The following FRMD3 variants were observed in gnomAD, a reference collection of about 807,000 sequenced individuals.
FRMD3 encodes the protein FERM domain-containing protein 3.
FRMD3 carries 33 observed loss-of-function variants against 70.2 expected under a neutral mutation model. The ratio of observed to expected loss-of-function variants is 0.47; its 90% CI spans 0.36 to 0.63. The LOEUF is 0.63. FRMD3 is among the 20% of genes least tolerant of loss of function. FRMD3 has a pLI of 0.00. For synonymous variants in FRMD3, 279 were observed against 255.9 expected (o/e 1.09, Z -0.86); for missense variants, 632 against 711.4 (o/e 0.89, Z 1.27).
the FRMD3 span, among the ~76,000 whole-genome samples, chr9:83,552,057 G>C: frequency 6.6e-6 from 1 of 152,056 alleles, no homozygotes; most frequent in African/African-American, 2.4e-5. Context: ...TTTCAGTTGT[G>C]AGGTTAGGTT....
intron 13 of FRMD3, among the ~76,000 whole-genome samples, chr9:83,251,304 C>G (rs145129656): frequency 3.3e-5 from 5 of 152,258 alleles, no homozygotes; most frequent in African/African-American, 1.2e-4. Flanking sequence ...AAAAGAAAAA[C>G]AAACAAACAG....
chr9:83,353,812 C>T (rs1262129083), intron 3 of FRMD3, among the ~76,000 whole-genome samples: 2 of 152,166 alleles, frequency 1.3e-5, no homozygotes, highest in African/African-American at 4.8e-5. Flanking sequence ...CTTCTAGAGG[C>T]AGGATTGATT....
intron 5 of FRMD3, among the ~76,000 whole-genome samples, chr9:83,337,466 G>A (rs1233014439): frequency 6.6e-6 from 1 of 152,176 alleles, no homozygotes; most frequent in East Asian, 1.9e-4. Context: ...CCACAGCATG[G>A]AGGGGCAAAG....
At chr9:83,343,121 A>G in intron 5 of FRMD3, 69 bp downstream of exon 5, 1 of 1,121,854 alleles carries the variant, frequency 8.9e-7, no homozygotes, top group South Asian at 1.2e-5. Context: ...GGTGGGAGAG[A>G]AGGGAGGCTT....
chr9:83,511,945 G>T (rs7043391), intron 1 of FRMD3, among the ~76,000 whole-genome samples: 1 of 151,884 alleles, frequency 6.6e-6, no homozygotes, highest in Non-Finnish European at 1.5e-5. Context: ...TGACGGCTTA[G>T]ATTGACATCT....
At chr9:83,405,607 CA>C (rs34523655) in intron 1 of FRMD3, among the ~76,000 whole-genome samples, 142 of 141,482 alleles carry the variant, frequency 1.0e-3, no homozygotes, top group South Asian at 2.3e-3. Context: ...ACTAAAAATG[CA>C]AAAAAAAAAA....
rs1031700422 is a variant in FRMD3 at position 83,247,220 on chromosome 9, T to A, written c.*698A>T. 4 of 985,302 alleles carry A rather than the reference T, an allele frequency of 4.1e-6. No homozygotes were observed. Among genetic ancestry groups the A allele is most frequent in the Non-Finnish European group, 4.8e-6 (4 of 829,932 alleles). The allele number at this position is 985,302 out of a possible 1,614,324, so 61.0% of individuals were successfully genotyped here. A position where few individuals can be genotyped will look rare whatever the true frequency, so the allele number is the denominator to read the frequency against. The stretch of plus-strand genomic sequence containing the variant: ...TAGCAGCTTACTTACTATAGTGTCT[T>A]TCTACCCATTTTCTATCTCCTATGC... On this transcript the variant is annotated 3_prime_UTR_variant, in exon 14 of 14. Transcript: ENST00000304195.
chr9:83,479,430 AAGAAGGAAGGAAG>A (rs1828480741), intron 1 of FRMD3, among the ~76,000 whole-genome samples: 1 of 124,110 alleles, frequency 8.1e-6, no homozygotes, highest in Non-Finnish European at 1.7e-5. Context: ...AAAGGAGGGA[AAGAAGGAAGGAAG>A]GGAGGGAGGG....
chr9:83,494,936 T>C (rs1452288929), intron 1 of FRMD3, among the ~76,000 whole-genome samples: 3 of 152,158 alleles, frequency 2.0e-5, no homozygotes, highest in Non-Finnish European at 4.4e-5. Context: ...TATACCCTAC[T>C]TTAATAAAAC....
intron 13 of FRMD3, among the ~76,000 whole-genome samples, chr9:83,280,474 CA>C (rs1024677118): frequency 6.6e-6 from 1 of 152,150 alleles, no homozygotes; most frequent in Non-Finnish European, 1.5e-5. Flanking sequence ...AGTGATAGAC[CA>C]AAAGCATGTA....
chr9:83,391,608 C>T (rs944390587), intron 1 of FRMD3, among the ~76,000 whole-genome samples: 1 of 152,168 alleles, frequency 6.6e-6, no homozygotes, highest in African/African-American at 2.4e-5. Context: ...ATGTACTCAA[C>T]AGCACAACAA....
At chr9:83,432,671 G>A (rs1350530885) in intron 1 of FRMD3, among the ~76,000 whole-genome samples, 1 of 152,142 alleles carries the variant, frequency 6.6e-6, no homozygotes, top group Non-Finnish European at 1.5e-5. Context: ...CTGTTTGTAA[G>A]TTCAATATAA....
chr9:83,360,719 C>T (rs1193017381), intron 3 of FRMD3, among the ~76,000 whole-genome samples: 4 of 152,106 alleles, frequency 2.6e-5, no homozygotes, highest in Non-Finnish European at 5.9e-5. Context: ...ACTACTGCAC[C>T]CAATCAAAAT....
intron 1 of FRMD3, among the ~76,000 whole-genome samples, chr9:83,462,518 G>A (rs1828004505): frequency 6.6e-6 from 1 of 152,106 alleles, no homozygotes; most frequent in South Asian, 2.1e-4. Flanking sequence ...ATCCTCAGTG[G>A]AATTACTATG....
chr9:83,540,552 C>A (rs1368692393), upstream of FRMD3, among the ~76,000 whole-genome samples: 3 of 152,138 alleles, frequency 2.0e-5, no homozygotes, highest in East Asian at 1.9e-4. Context: ...GCTCTGGAAG[C>A]ACTTGGCATG....
At chr9:83,479,773 GGGAGGGAGGGAGGGAAGGAAGGAAGGAA>G (rs1564097144) in intron 1 of FRMD3, among the ~76,000 whole-genome samples, 5 of 71,220 alleles carry the variant, frequency 7.0e-5, no homozygotes, top group African/African-American at 2.8e-4. Context: ...GAGGGAGGGA[GGGAGGGAGGGAGGGAAGGAAGGAAGGAA>G]GGAAGGAAGG....
At chr9:83,584,164 T>A in the FRMD3 span, among the ~76,000 whole-genome samples, 3 of 151,864 alleles carry the variant, frequency 2.0e-5, no homozygotes, top group Admixed American at 2.0e-4. Flanking sequence ...TGAAACCCCA[T>A]CTCTACTAAA....
the FRMD3 span, among the ~76,000 whole-genome samples, chr9:83,547,789 C>T: frequency 6.6e-6 from 1 of 152,092 alleles, no homozygotes; most frequent in Admixed American, 6.5e-5. Flanking sequence ...ATACTTTAAG[C>T]AACAAAACAA....
rs142577715 is a variant in FRMD3, at chr9:83,491,032, A to G, written c.147+47053T>C. On this transcript the variant is annotated intron_variant, in intron 1 of 13. Transcript: ENST00000304195. ...TATATTTCACTCTAGGATAATCACA[A>G]TAAATATTAGCCTATTGAAGTCTCT... Among the ~76,000 whole-genome samples the G allele has an allele frequency of 2.5e-3, 380 of 152,296 alleles. 1 individual carries two copies. Among genetic ancestry groups the G allele is most frequent in the African/African-American group, 8.4e-3 (351 of 41,556 alleles).
Sources: gnomAD v4.1 joint callset for allele counts (sites outside exome capture counted in the v4.1 genomes callset) on GRCh38, gnomAD v4.1.1 for gene constraint, MANE v1.5 for transcripts, NCBI Gene and HGNC (gene_info 2026-07-23, HGNC 2026-07-21) for gene names.